The following TCF4 variants were observed in gnomAD, a reference collection of about 807,000 sequenced individuals.
TCF4 encodes transcription factor 4.
In TCF4, 3 loss-of-function variants were observed where a neutral mutation model predicts 82.1. That is an observed-to-expected ratio of 0.04 (90% confidence interval 0.02 to 0.09). The LOEUF (loss-of-function observed/expected upper bound fraction) is 0.09. TCF4 is among the 10% of genes least tolerant of loss of function. The probability of loss-of-function intolerance (pLI) is 1.00; values close to 1 mark genes in which losing one functional copy is unlikely to be tolerated. For synonymous variants in TCF4, 276 were observed against 309.6 expected, an observed-to-expected ratio of 0.89 and a Z score of 1.14; for missense variants, 518 against 852.7, an observed-to-expected ratio of 0.61 and a Z score of 4.89.
At chr18:55,374,629 G>T (rs999512262) in intron 6 of TCF4, among the ~76,000 whole-genome samples, 1 of 151,824 alleles carries the variant, frequency 6.6e-6, no homozygotes, top group African/African-American at 2.4e-5. Context: ...TGCCAGGCGC[G>T]GTGGCTCACA....
intron 3 of TCF4, among the ~76,000 whole-genome samples, chr18:55,536,854 G>C (rs949411397): frequency 2.0e-5 from 3 of 152,124 alleles, no homozygotes; most frequent in African/African-American, 7.2e-5. Flanking sequence ...CCAGTTTCTG[G>C]CCGGGTGTGG....
chr18:55,565,078 C>CAGAATCT (rs1211183001), intron 3 of TCF4, among the ~76,000 whole-genome samples: 1 of 152,112 alleles, frequency 6.6e-6, no homozygotes, highest in African/African-American at 2.4e-5. Context: ...CTGTGTTGTG[C>CAGAATCT]AGAATCTAGA....
intron 6 of TCF4, among the ~76,000 whole-genome samples, chr18:55,379,105 T>G (rs1364863479): frequency 6.6e-6 from 1 of 152,242 alleles, no homozygotes; most frequent in Non-Finnish European, 1.5e-5. Context: ...AGAACATATT[T>G]AATCTAATTG....
intron 8 of TCF4, among the ~76,000 whole-genome samples, chr18:55,346,633 A>G (rs764218482): frequency 5.3e-5 from 8 of 152,194 alleles, no homozygotes; most frequent in Non-Finnish European, 1.0e-4. Context: ...ATCATTAAAG[A>G]TGCAAATCGG....
chr18:55,576,685 A>C (rs969745141), intron 3 of TCF4, among the ~76,000 whole-genome samples: 1 of 152,054 alleles, frequency 6.6e-6, no homozygotes, highest in Non-Finnish European at 1.5e-5. Flanking sequence ...TTCATTATTA[A>C]TTTCCCCATG....
chr18:55,389,073 C>T (rs1040196650), intron 6 of TCF4, among the ~76,000 whole-genome samples: 4 of 151,738 alleles, frequency 2.6e-5, no homozygotes, highest in Non-Finnish European at 4.4e-5. Context: ...TTGCAGTGAG[C>T]CGAGATCACA....
chr18:55,530,408 C>G (rs1480218116), intron 3 of TCF4, among the ~76,000 whole-genome samples: 1 of 151,910 alleles, frequency 6.6e-6, no homozygotes, highest in African/African-American at 2.4e-5. Context: ...GGAGGAGTGT[C>G]TGGACTTGTG....
At chr18:55,532,962 G>GA (rs1377049471) in intron 3 of TCF4, among the ~76,000 whole-genome samples, 2 of 151,584 alleles carry the variant, frequency 1.3e-5, no homozygotes, top group East Asian at 1.9e-4. Flanking sequence ...ATAAAACATG[G>GA]AAAAAAACAA....
intron 15 of TCF4, among the ~76,000 whole-genome samples, chr18:55,236,069 A>ATGTGTGTG (rs3040521): frequency 6.6e-6 from 1 of 150,970 alleles, no homozygotes; most frequent in Non-Finnish European, 1.5e-5. Flanking sequence ...TCATGTGTGC[A>ATGTGTGTG]TGTGTGTGTG....
chr18:55,314,755 G>A (rs2073637596), intron 8 of TCF4, among the ~76,000 whole-genome samples: 1 of 151,768 alleles, frequency 6.6e-6, no homozygotes, highest in South Asian at 2.1e-4. Context: ...AAAAAGGAGT[G>A]TTTCCATACT....
In TCF4 at chr18:55,224,977, G is replaced by A. The variant is rs543261219; in HGVS notation, c.*3058C>T. On this transcript the variant is annotated 3_prime_UTR_variant, in exon 20 of 20. Coordinates refer to ENST00000354452, the MANE Select transcript of TCF4 (RefSeq NM_001083962.2). ...ACTTTAATCTTAACTGTCTTCTGCT[G>A]AACTTCATTTGAAAATCCAGTGCAG... 2 of 152,192 alleles carry A rather than the reference G, an allele frequency of 1.3e-5. No individual in the cohort carries two copies. Among genetic ancestry groups the A allele is most frequent in the South Asian group, 4.1e-4 (2 of 4,824 alleles). The allele number at this position is 152,192 out of a possible 1,614,324, so 9.4% of individuals were successfully genotyped here. A position where few individuals can be genotyped will look rare whatever the true frequency, so the allele number is the denominator to read the frequency against.
chr18:55,537,121 G>A (rs1173820400), intron 3 of TCF4, among the ~76,000 whole-genome samples: 3 of 144,490 alleles, frequency 2.1e-5, no homozygotes, highest in Admixed American at 1.4e-4. Context: ...GCAACAGAGC[G>A]AGACTCCGTC....
intron 8 of TCF4, chr18:55,302,548 A>T (rs1392659714): frequency 2.0e-6 from 3 of 1,535,710 alleles, no homozygotes; most frequent in Non-Finnish European, 2.6e-6. Context: ...AATCTGACAC[A>T]CAAGGAGCAA....
intron 2 of TCF4, among the ~76,000 whole-genome samples, chr18:55,621,837 CTATA>C (rs1212892834): frequency 1.7e-5 from 1 of 57,232 alleles, no homozygotes; most frequent in Non-Finnish European, 3.6e-5. Flanking sequence ...TATATATACA[CTATA>C]TACAATGTAT....
intron 3 of TCF4, among the ~76,000 whole-genome samples, chr18:55,560,266 T>C (rs2097343566): frequency 6.6e-6 from 1 of 152,204 alleles, no homozygotes; most frequent in African/African-American, 2.4e-5. Context: ...ACTCACATGT[T>C]CAATAAAAGA....
intron 3 of TCF4, among the ~76,000 whole-genome samples, chr18:55,501,566 C>T (rs1486372132): frequency 6.6e-6 from 1 of 152,034 alleles, no homozygotes; most frequent in African/African-American, 2.4e-5. Context: ...TGAGTAGCAA[C>T]TAACACGGCT....
intron 2 of TCF4, among the ~76,000 whole-genome samples, chr18:55,630,324 T>C (rs1022727006): frequency 2.0e-5 from 3 of 152,196 alleles, no homozygotes; most frequent in African/African-American, 7.2e-5. Context: ...TGGCACTAAG[T>C]TCTTAATCAT....
At chr18:55,236,376 C>T (rs2049397143) in intron 15 of TCF4, among the ~76,000 whole-genome samples, 1 of 152,050 alleles carries the variant, frequency 6.6e-6, no homozygotes, top group Non-Finnish European at 1.5e-5. Context: ...CCATTTTTAC[C>T]ACAAATTGGC....
At chr18:55,532,507 C>G (rs1367063236) in intron 3 of TCF4, among the ~76,000 whole-genome samples, 1 of 152,196 alleles carries the variant, frequency 6.6e-6, no homozygotes, top group Non-Finnish European at 1.5e-5. Context: ...GATAGAAAAC[C>G]GTAATATGAC....
Sources: gnomAD v4.1 joint callset for allele counts (sites outside exome capture counted in the v4.1 genomes callset) on GRCh38, gnomAD v4.1.1 for gene constraint, MANE v1.5 for transcripts, NCBI Gene and HGNC (gene_info 2026-07-23, HGNC 2026-07-21) for gene names.